The following MTCL1 variants were observed in gnomAD, a reference collection of about 807,000 sequenced individuals.
MTCL1 encodes microtubule crosslinking factor 1, also known as microtubule cross-linking factor 1.
Under a neutral mutation model 141.4 loss-of-function variants are expected in MTCL1, and 79 were observed. The observed-to-expected ratio is 0.56, with a 90% CI of 0.47 to 0.67. MTCL1 has a LOEUF of 0.67. Ranked by LOEUF, MTCL1 falls within the 30% of genes least tolerant of loss-of-function variation. The pLI, the probability that MTCL1 is intolerant of heterozygous loss-of-function variation, is 0.00. For missense variants in MTCL1, 2,177 were observed against 2,113.9 expected (o/e 1.03, Z -0.59); for synonymous variants, 914 against 875.8 (o/e 1.04, Z -0.77).
chr18:8,812,443 G>T (rs763483631), intron 11 of MTCL1, among the ~76,000 whole-genome samples: 1 of 152,180 alleles, frequency 6.6e-6, no homozygotes, highest in Admixed American at 6.5e-5. Flanking sequence ...AGTTGCTGAT[G>T]AGAAGTCTGC....
chr18:8,831,528 G>C, intron 16 of MTCL1, 79 bp from the exon 15 acceptor site: 1 of 1,519,850 alleles, frequency 6.6e-7, no homozygotes, highest in Non-Finnish European at 8.9e-7. Context: ...TGAGTCTGTT[G>C]AGAAGTGTGT....
chr18:8,776,143 G>A (rs566976454), intron 4 of MTCL1, among the ~76,000 whole-genome samples: 2 of 152,330 alleles, frequency 1.3e-5, no homozygotes, highest in South Asian at 4.1e-4. Context: ...GCAGACCTCA[G>A]ATGAGGCCCT....
At chr18:8,784,130 T>A (rs1389723588) in exon 6 of MTCL1, 1 of 1,613,546 alleles carries the variant, frequency 6.2e-7, no homozygotes. Context: ...GGAGCTGAAG[T>A]CAGCCAGGCT....
chr18:8,748,897 G>C (rs2096355884), intron 4 of MTCL1, among the ~76,000 whole-genome samples: 1 of 152,058 alleles, frequency 6.6e-6, no homozygotes, highest in Non-Finnish European at 1.5e-5. Flanking sequence ...CTTCTTGGGG[G>C]TCATCACAGT....
At chr18:8,755,465 T>C (rs1407751722) in intron 4 of MTCL1, among the ~76,000 whole-genome samples, 1 of 152,210 alleles carries the variant, frequency 6.6e-6, no homozygotes, top group Non-Finnish European at 1.5e-5. Flanking sequence ...TATGAAATGC[T>C]GATGAACCAA....
At chr18:8,772,806 A>G (rs1012057038) in intron 4 of MTCL1, among the ~76,000 whole-genome samples, 2 of 152,070 alleles carry the variant, frequency 1.3e-5, no homozygotes, top group African/African-American at 4.8e-5. Context: ...CTTCAAAAGC[A>G]TGACTGTGTC....
At chr18:8,796,348 G>A in exon 9 of MTCL1, 2 of 1,614,222 alleles carry the variant, frequency 1.2e-6, no homozygotes, top group South Asian at 2.2e-5. Context: ...TGATGCAGCA[G>A]GAGCTCCGGT....
At chr18:8,745,088 A>G (rs2096328836) in intron 4 of MTCL1, among the ~76,000 whole-genome samples, 1 of 152,248 alleles carries the variant, frequency 6.6e-6, no homozygotes, top group Non-Finnish European at 1.5e-5. Flanking sequence ...TGGGAATTGG[A>G]GATTTTCAGT....
At chr18:8,738,442 T>C (rs1211316594) in intron 4 of MTCL1, among the ~76,000 whole-genome samples, 3 of 152,228 alleles carry the variant, frequency 2.0e-5, no homozygotes, top group African/African-American at 7.2e-5. Context: ...TGTGGGTTTA[T>C]AGCATGATTT....
At chr18:8,797,625 A>G (rs1598714335) in intron 9 of MTCL1, among the ~76,000 whole-genome samples, 3 of 152,380 alleles carry the variant, frequency 2.0e-5, no homozygotes, top group South Asian at 4.1e-4. Flanking sequence ...GGAACAGTGT[A>G]TGTAATTTTA....
intron 4 of MTCL1, among the ~76,000 whole-genome samples, chr18:8,746,845 A>T (rs1314172251): frequency 6.6e-6 from 1 of 152,148 alleles, no homozygotes; most frequent in Non-Finnish European, 1.5e-5. Context: ...ATACCCGAGG[A>T]CCGCGTGCAC....
intron 4 of MTCL1, among the ~76,000 whole-genome samples, chr18:8,753,749 C>T (rs750474030): frequency 6.6e-6 from 1 of 152,182 alleles, no homozygotes. Flanking sequence ...ACTGCAAACA[C>T]GGTCCTGAGA....
chr18:8,758,416 G>C (rs2096413632), intron 4 of MTCL1, among the ~76,000 whole-genome samples: 1 of 152,084 alleles, frequency 6.6e-6, no homozygotes, highest in Non-Finnish European at 1.5e-5. Flanking sequence ...TTGTTTCCTA[G>C]GTGGAAATAA....
intron 7 of MTCL1, among the ~76,000 whole-genome samples, chr18:8,790,788 G>A (rs2075694093): frequency 6.6e-6 from 1 of 152,144 alleles, no homozygotes; most frequent in Non-Finnish European, 1.5e-5. Context: ...GCTGAGGCAG[G>A]CAGATCACTT....
At chr18:8,809,776 G>A in intron 11 of MTCL1, 1 of 673,512 alleles carries the variant, frequency 1.5e-6, no homozygotes, top group Non-Finnish European at 2.4e-6. Flanking sequence ...GAGACAACCA[G>A]TTGGGATGGA....
intron 10 of MTCL1, among the ~76,000 whole-genome samples, chr18:8,800,261 C>A (rs2726347): frequency 0.8 from 122,306 of 152,146 alleles, 49,386 homozygotes; most frequent in Middle Eastern, 0.89. Flanking sequence ...GGGCCGTTCC[C>A]GAAACGCCGA....
At chr18:8,797,341 C>T (rs1411011502) in intron 9 of MTCL1, among the ~76,000 whole-genome samples, 1 of 152,208 alleles carries the variant, frequency 6.6e-6, no homozygotes, top group Non-Finnish European at 1.5e-5. Flanking sequence ...TGTATATGTT[C>T]TTCCTGTTAT....
chr18:8,824,775 C>A lies in MTCL1; in HGVS notation c.3265C>A (p.Pro1089Thr), dbSNP rs778678188. Residue 1089 changes from proline to threonine, a missense_variant, in exon 15 of 17, where the codon CCG becomes ACG. Pro to Thr is a conservative substitution (Grantham distance 38). Transcript: ENST00000359865. ...CCCCTTCCTGCCTGAGAAGGGCCTGCCGTCCACCAGCAGCAAGGAGGATGT... is the reference window on the plus strand; with the variant it reads ...CCCCTTCCTGCCTGAGAAGGGCCTGACGTCCACCAGCAGCAAGGAGGATGT... 17 of 1,614,036 alleles carry A rather than the reference C, an allele frequency of 1.1e-5. No homozygotes were observed. In the South Asian group the frequency reaches 1.8e-4, roughly 17 times the overall value.
At chr18:8,784,266 G>A (rs542117410) in exon 6 of MTCL1, 1 of 1,599,922 alleles carries the variant, frequency 6.3e-7, no homozygotes, top group Non-Finnish European at 8.5e-7. Context: ...CCCCGGGACA[G>A]CGATGCCGAG....
Sources: gnomAD v4.1 joint callset for allele counts (sites outside exome capture counted in the v4.1 genomes callset) on GRCh38, gnomAD v4.1.1 for gene constraint, MANE v1.5 for transcripts, NCBI Gene and HGNC (gene_info 2026-07-23, HGNC 2026-07-21) for gene names.